The following GLP1R variants were observed in gnomAD, a reference collection of about 807,000 sequenced individuals.
GLP1R encodes glucagon like peptide 1 receptor, also known as glucagon-like peptide 1 receptor.
A neutral mutation model predicts 68.4 loss-of-function variants in GLP1R; 32 were observed. The observed-to-expected ratio is 0.47, with a 90% CI of 0.35 to 0.63. The LOEUF is 0.63. Ranked by LOEUF, GLP1R falls within the 20% of genes least tolerant of loss-of-function variation. GLP1R has a pLI of 0.00. For missense variants in GLP1R, 502 were observed against 594.9 expected, an observed-to-expected ratio of 0.84 and a Z score of 1.62; for synonymous variants, 263 against 244.4, an observed-to-expected ratio of 1.08 and a Z score of -0.71.
At chr6:39,064,307 G>T (rs1354404264) in intron 3 of GLP1R, among the ~76,000 whole-genome samples, 1 of 152,068 alleles carries the variant, frequency 6.6e-6, no homozygotes, top group African/African-American at 2.4e-5. Context: ...ACCCAGCCGA[G>T]ACCCAGTTCT....
In GLP1R at chr6:39,086,249, G is replaced by T. The variant is rs950951339; in HGVS notation, c.*176G>T. The T allele has an allele frequency of 1.8e-6, 1 of 569,734 alleles. No individual in the cohort carries two copies. The highest frequency in any genetic ancestry group is 3.1e-5 in the Admixed American group (1 of 32,236). 35.3% of individuals were successfully genotyped at this position (569,734 alleles called of 1,614,324 possible). On this transcript the variant is annotated 3_prime_UTR_variant, in exon 13 of 13. Coordinates refer to ENST00000373256, the MANE Select transcript of GLP1R (RefSeq NM_002062.5). The surrounding 1 kb of genome is among the most constrained non-coding windows in gnomAD (Gnocchi z 4.5). ...CCCAAACCCATCAGACAGGTAAATG[G>T]GCAGTGCCTCCTGGGACCATGGACA...
At chr6:39,051,941 G>A (rs1240031245) in intron 1 of GLP1R, among the ~76,000 whole-genome samples, 1 of 151,706 alleles carries the variant, frequency 6.6e-6, no homozygotes, top group African/African-American at 2.4e-5. Flanking sequence ...ACTAGTGTGT[G>A]TCTATATGTG....
chr6:39,071,218 C>T (rs371010577), intron 5 of GLP1R, among the ~76,000 whole-genome samples: 123 of 151,912 alleles, frequency 8.1e-4, no homozygotes, highest in African/African-American at 2.7e-3. Flanking sequence ...TGGTGGCACC[C>T]GCCTGTAATC....
chr6:39,061,352 T>C (rs867904702), intron 3 of GLP1R, among the ~76,000 whole-genome samples: 2 of 152,356 alleles, frequency 1.3e-5, no homozygotes, highest in South Asian at 4.1e-4. Flanking sequence ...AAACAGCTGA[T>C]CTGCTTGTTA....
chr6:39,051,475 A>T (rs1329182605), intron 1 of GLP1R, among the ~76,000 whole-genome samples: 1 of 152,174 alleles, frequency 6.6e-6, no homozygotes, highest in Non-Finnish European at 1.5e-5. Flanking sequence ...AGCCTTGATC[A>T]GTGCGGACAT....
In GLP1R at chr6:39,088,975, T is replaced by C. The variant is rs1208392342; in HGVS notation, c.*2902T>C. On this transcript the variant is annotated 3_prime_UTR_variant, in exon 13 of 13. Coordinates refer to ENST00000373256, the MANE Select transcript of GLP1R (RefSeq NM_002062.5). Reference sequence around the variant, plus strand: ...AGTCTAGTGAGGCCTCTGGGAAGGATAGGTGAAAACTATAAATAGCTGTTC... The same window carrying C: ...AGTCTAGTGAGGCCTCTGGGAAGGACAGGTGAAAACTATAAATAGCTGTTC... 6.6e-6 allele frequency among the ~76,000 whole-genome samples: 1 copy of C among 152,158 alleles called. No individual in the cohort carries two copies. The highest frequency in any genetic ancestry group is 1.5e-5 in the Non-Finnish European group (1 of 68,036).
rs148030795 is a variant in GLP1R at position 39,079,232 on chromosome 6, C to G, written c.1043+32C>G. ...TAACTGAGCTGGCTTTACTGAGGAC[C>G]CTCAGCAAGTGCCCCTTTCCTTCTA... On this transcript the variant is annotated intron_variant, in intron 10 of 12. Transcript: ENST00000373256. The surrounding 1 kb of genome is among the most constrained non-coding windows in gnomAD (Gnocchi z 4.5). The G allele has an allele frequency of 3.5e-6, 5 of 1,447,396 alleles. No individual in the cohort carries two copies. The South Asian group carries it at 5.7e-5, about 16-fold the overall frequency. The allele number at this position is 1,447,396 out of a possible 1,614,324, so 89.7% of individuals were successfully genotyped here.
intron 5 of GLP1R, among the ~76,000 whole-genome samples, chr6:39,068,154 G>T (rs554516028): frequency 6.6e-6 from 1 of 152,294 alleles, no homozygotes; most frequent in East Asian, 1.9e-4. Context: ...TAGGAAGGAA[G>T]AAAGGGGTAA....
intron 3 of GLP1R, among the ~76,000 whole-genome samples, chr6:39,062,450 A>G (rs1353035140): frequency 6.6e-6 from 1 of 152,252 alleles, no homozygotes; most frequent in Non-Finnish European, 1.5e-5. Context: ...GGTAATTGAC[A>G]GATGCACTTG....
At position 39,049,128 on chromosome 6, in the gene GLP1R, C is replaced by G. The variant is rs1562000353; in HGVS notation, c.78+210C>G. ...AGGGCTTGGACTACAGAGGATTCCC[C>G]CCAACCCCAGCGAGGCGCCCTCTTC... On this transcript the variant is annotated intron_variant, in intron 1 of 12. Coordinates refer to ENST00000373256, the MANE Select transcript of GLP1R (RefSeq NM_002062.5). This position sits in a 1 kb window ranked among gnomAD's most constrained non-coding sequence, Gnocchi z 4.5. 6.6e-6 allele frequency among the ~76,000 whole-genome samples: 1 copy of G among 152,292 alleles called. No individual in the cohort carries two copies. The highest frequency in any genetic ancestry group is 1.9e-4 in the East Asian group (1 of 5,166).
chr6:39,079,234 T>C lies in GLP1R; in HGVS notation c.1043+34T>C. 7.1e-7 allele frequency: 1 copy of C among 1,408,690 alleles called. No individual in the cohort carries two copies. The highest frequency in any genetic ancestry group is 1.7e-5 in the Admixed American group (1 of 59,712). The allele number at this position is 1,408,690 out of a possible 1,614,324, so 87.3% of individuals were successfully genotyped here. A position where few individuals can be genotyped will look rare whatever the true frequency, so the allele number is the denominator to read the frequency against. ...ACTGAGCTGGCTTTACTGAGGACCC[T>C]CAGCAAGTGCCCCTTTCCTTCTAGC... On this transcript the variant is annotated intron_variant, in intron 10 of 12. Coordinates refer to ENST00000373256, the MANE Select transcript of GLP1R (RefSeq NM_002062.5). The surrounding 1 kb of genome is among the most constrained non-coding windows in gnomAD (Gnocchi z 4.5).
intron 12 of GLP1R, among the ~76,000 whole-genome samples, chr6:39,084,765 G>A (rs1015870842): frequency 6.6e-6 from 1 of 152,232 alleles, no homozygotes; most frequent in African/African-American, 2.4e-5. Context: ...TCTACTCAGT[G>A]CAGAAAATGT....
chr6:39,086,151 A>T lies in GLP1R; in HGVS notation c.*78A>T. 1 of 1,060,560 alleles carries T rather than the reference A, an allele frequency of 9.4e-7. No homozygotes were observed. Among genetic ancestry groups the T allele is most frequent in the Non-Finnish European group, 1.4e-6 (1 of 706,306 alleles). The allele number at this position is 1,060,560 out of a possible 1,614,324, so 65.7% of individuals were successfully genotyped here. ...CCAGGTGGGAGAGACACTCCCAGGG[A>T]CAAGGGAAGGAAGGGACACACACAC... On this transcript the variant is annotated 3_prime_UTR_variant, in exon 13 of 13. Transcript: ENST00000373256. This position sits in a 1 kb window ranked among gnomAD's most constrained non-coding sequence, Gnocchi z 4.5.
At position 39,079,468 on chromosome 6, in the gene GLP1R, A is replaced by G. The variant is rs1768931601; in HGVS notation, c.1044-96A>G. Reference sequence around the variant, plus strand: ...GTGGGAGAACATCCATGACCCAGATATCAGGACTTGGTAGGAAGTGGGGAG... The same window carrying G: ...GTGGGAGAACATCCATGACCCAGATGTCAGGACTTGGTAGGAAGTGGGGAG... On this transcript the variant is annotated intron_variant, in intron 10 of 12. Transcript: ENST00000373256. The surrounding 1 kb of genome is among the most constrained non-coding windows in gnomAD (Gnocchi z 4.5). The G allele has an allele frequency of 4.8e-6, 6 of 1,257,448 alleles. No individual in the cohort carries two copies. The highest frequency in any genetic ancestry group is 4.4e-5 in the South Asian group (3 of 68,296). 77.9% of individuals were successfully genotyped at this position (1,257,448 alleles called of 1,614,324 possible).
chr6:39,082,751 T>C (rs57381835), intron 12 of GLP1R, among the ~76,000 whole-genome samples: 11,800 of 152,112 alleles, frequency 0.078, 1,454 homozygotes, highest in African/African-American at 0.26. Context: ...CCAGTGGTGA[T>C]GGGGGCAAGA....
At position 39,073,763 on chromosome 6, in the gene GLP1R, G is replaced by C; in HGVS notation, c.817G>C (p.Gly273Arg). 1 of 1,613,874 alleles carries C rather than the reference G, an allele frequency of 6.2e-7. No homozygotes were observed. The highest frequency in any genetic ancestry group is 8.5e-7 in the Non-Finnish European group (1 of 1,179,912). ...GATCTTCAGGCTCTACGTGAGCATA[G>C]GCTGGGGTAAGAACCGCCATCACCC... Reference protein sequence around the residue: ...QWIFRLYVSIGWGVPLLFVVP... With the variant: ...QWIFRLYVSIRWGVPLLFVVP... The change falls in exon 7 of 13, where the codon GGC becomes CGC. Residue 273 changes from glycine to arginine, a missense_variant. Gly to Arg is a moderately radical substitution (Grantham distance 125). Coordinates refer to ENST00000373256, the MANE Select transcript of GLP1R (RefSeq NM_002062.5).
In GLP1R at chr6:39,087,559, CG is replaced by C. The variant is rs2150841500; in HGVS notation, c.*1490del. On this transcript the variant is annotated 3_prime_UTR_variant, in exon 13 of 13. Transcript: ENST00000373256. ...GCTCGCTCTTGGGAGTCAGGACCTC[CG>C]GGGAGAGCAGAGGGTTCCGACGGAT... The C allele has an allele frequency of 6.6e-6, 1 of 152,304 alleles. No homozygotes were observed. The highest frequency in any genetic ancestry group is 1.9e-4 in the East Asian group (1 of 5,172). 9.4% of individuals were successfully genotyped at this position (152,304 alleles called of 1,614,324 possible).
chr6:39,063,522 G>A (rs1350099809), intron 3 of GLP1R, among the ~76,000 whole-genome samples: 1 of 152,154 alleles, frequency 6.6e-6, no homozygotes, highest in African/African-American at 2.4e-5. Flanking sequence ...TTTCTCCCAG[G>A]TGAAGTATCT....
rs2150841118 is a variant in GLP1R at position 39,086,949 on chromosome 6, CCAGGAGCCCAGAGGG to C, written c.*878_*892del. 1 of 152,548 alleles carries C rather than the reference CCAGGAGCCCAGAGGG, an allele frequency of 6.6e-6. No individual in the cohort carries two copies. Among genetic ancestry groups the C allele is most frequent in the Non-Finnish European group, 1.5e-5 (1 of 68,018 alleles). 9.4% of individuals were successfully genotyped at this position (152,548 alleles called of 1,614,324 possible). A position where few individuals can be genotyped will look rare whatever the true frequency, so the allele number is the denominator to read the frequency against. ...TGTGGGTGTAGATTACCTGCCACTT[CCAGGAGCCCAGAGGG>C]CCAAGAGAGACATTGCCTCCACCTC... On this transcript the variant is annotated 3_prime_UTR_variant, in exon 13 of 13. Coordinates refer to ENST00000373256, the MANE Select transcript of GLP1R (RefSeq NM_002062.5). This position sits in a 1 kb window ranked among gnomAD's most constrained non-coding sequence, Gnocchi z 4.5.
Sources: gnomAD v4.1 joint callset for allele counts (sites outside exome capture counted in the v4.1 genomes callset) on GRCh38, gnomAD v4.1.1 for gene constraint, Gnocchi (gnomAD v3.1) non-coding constraint, MANE v1.5 for transcripts, NCBI Gene and HGNC (gene_info 2026-07-23, HGNC 2026-07-21) for gene names.